Variants in KLHL1 observed in about 807,000 individuals in gnomAD.
The protein encoded by KLHL1 is kelch like family member 1, also known as kelch-like protein 1.
Under a neutral mutation model 77.7 loss-of-function variants are expected in KLHL1, and 47 were observed. The observed-to-expected ratio is 0.60, with a 90% CI of 0.48 to 0.77. The LOEUF (loss-of-function observed/expected upper bound fraction) is 0.77, where lower values mean the gene tolerates loss of function less well. KLHL1 is among the 30% of genes least tolerant of loss of function. The pLI is 0.00. For missense variants in KLHL1, 925 were observed against 910.8 expected, an observed-to-expected ratio of 1.02 and a Z score of -0.20; for synonymous variants, 360 against 325.2, an observed-to-expected ratio of 1.11 and a Z score of -1.15.
chr13:69,784,646 A>T (rs1229672832), intron 7 of KLHL1, among the ~76,000 whole-genome samples: 1 of 151,506 alleles, frequency 6.6e-6, no homozygotes, highest in Non-Finnish European at 1.5e-5. Flanking sequence ...TATCCTAAAT[A>T]TATATGCACC....
At chr13:69,846,939 A>T (rs999587410) in intron 5 of KLHL1, among the ~76,000 whole-genome samples, 2 of 151,498 alleles carry the variant, frequency 1.3e-5, no homozygotes, top group Non-Finnish European at 1.5e-5. Flanking sequence ...TCATTCAAGT[A>T]TCTAGATTTT....
chr13:70,075,574 T>TATATATATATATATATATATAG (rs1407764316), intron 1 of KLHL1, among the ~76,000 whole-genome samples: 7 of 108,440 alleles, frequency 6.5e-5, no homozygotes, highest in African/African-American at 2.4e-4. Flanking sequence ...TATGTGTATA[T>TATATATATATATATATATATAG]ATATATATAT....
intron 1 of KLHL1, among the ~76,000 whole-genome samples, chr13:70,059,471 G>A (rs903623417): frequency 2.0e-5 from 3 of 151,954 alleles, no homozygotes; most frequent in Non-Finnish European, 4.4e-5. Context: ...CGCCTGGCTG[G>A]GCAAATATTT....
intron 4 of KLHL1, among the ~76,000 whole-genome samples, chr13:69,918,676 A>C (rs1259514492): frequency 6.6e-6 from 1 of 152,134 alleles, no homozygotes; most frequent in Non-Finnish European, 1.5e-5. Flanking sequence ...AATATAACAA[A>C]AGGTCAGGTT....
At chr13:69,852,402 T>C (rs929183669) in intron 5 of KLHL1, among the ~76,000 whole-genome samples, 4 of 151,980 alleles carry the variant, frequency 2.6e-5, no homozygotes, top group African/African-American at 9.7e-5. Flanking sequence ...GGACAGCAAT[T>C]GAAGAGACAA....
intron 1 of KLHL1, among the ~76,000 whole-genome samples, chr13:70,083,214 A>C (rs1422450230): frequency 4.6e-5 from 7 of 152,206 alleles, no homozygotes; most frequent in Non-Finnish European, 5.9e-5. Context: ...ATAAATATTA[A>C]TCAAAATTAC....
chr13:69,760,242 A>G (rs558447382), intron 7 of KLHL1, among the ~76,000 whole-genome samples: 1 of 152,264 alleles, frequency 6.6e-6, no homozygotes, highest in Non-Finnish European at 1.5e-5. Context: ...AAAAGAAACC[A>G]GGGATTGAGA....
intron 1 of KLHL1, among the ~76,000 whole-genome samples, chr13:70,021,823 GA>G (rs1469106339): frequency 1.3e-5 from 2 of 151,914 alleles, no homozygotes; most frequent in Admixed American, 1.3e-4. Flanking sequence ...CCATTTTTAA[GA>G]AATTGGTTTT....
At chr13:70,099,044 T>C (rs916132654) in intron 1 of KLHL1, among the ~76,000 whole-genome samples, 3 of 151,954 alleles carry the variant, frequency 2.0e-5, no homozygotes, top group South Asian at 2.1e-4. Context: ...CAGTGTAACA[T>C]GTCAAGAACA....
chr13:69,929,133 A>AG (rs11438060), intron 4 of KLHL1, among the ~76,000 whole-genome samples: 132,597 of 151,892 alleles, frequency 0.87, 58,468 homozygotes, highest in Non-Finnish European at 0.95. Flanking sequence ...TAGAATCATA[A>AG]GCTGCAAAGA....
chr13:69,910,687 G>A (rs1882208680), intron 4 of KLHL1, among the ~76,000 whole-genome samples: 1 of 151,662 alleles, frequency 6.6e-6, no homozygotes, highest in Admixed American at 6.6e-5. Flanking sequence ...CTCAAATACT[G>A]GAAAACCAAA....
At chr13:70,033,417 G>A (rs1338773424) in intron 1 of KLHL1, among the ~76,000 whole-genome samples, 2 of 151,966 alleles carry the variant, frequency 1.3e-5, no homozygotes, top group Non-Finnish European at 2.9e-5. Flanking sequence ...AGCCTCTCCA[G>A]TAGCTGGGCC....
intron 6 of KLHL1, among the ~76,000 whole-genome samples, chr13:69,803,444 T>G (rs1476613574): frequency 6.6e-6 from 1 of 152,048 alleles, no homozygotes; most frequent in Non-Finnish European, 1.5e-5. Context: ...GTAAAAAGAG[T>G]TAATTGCAAT....
chr13:69,789,582 T>TAATC (rs1876762241), intron 7 of KLHL1, among the ~76,000 whole-genome samples: 3 of 152,180 alleles, frequency 2.0e-5, no homozygotes, highest in South Asian at 2.1e-4. Flanking sequence ...TGTGAGAATT[T>TAATC]AATCAGTTAA....
intron 7 of KLHL1, among the ~76,000 whole-genome samples, chr13:69,768,160 A>G (rs9317845): frequency 0.24 from 35,769 of 152,050 alleles, 4,290 homozygotes; most frequent in South Asian, 0.31. Context: ...AAATATCCAT[A>G]GATCAAGCTT....
In KLHL1 at chr13:69,979,763, C is replaced by T. The variant is rs550141195; in HGVS notation, c.498-3961G>A. Among the ~76,000 whole-genome samples, 7 of 152,250 alleles carry T rather than the reference C, an allele frequency of 4.6e-5. No individual in the cohort carries two copies. The South Asian group carries it at 1.4e-3, about 32-fold the overall frequency. On this transcript the variant is annotated intron_variant, in intron 1 of 10. Coordinates refer to ENST00000377844, the MANE Select transcript of KLHL1 (RefSeq NM_020866.3). ...ATGCAATTTTAAAAGTACAATATGA[C>T]TTTTTATCAGATTTAAAGACATGTT...
chr13:69,919,400 T>A (rs1404940408), intron 4 of KLHL1, among the ~76,000 whole-genome samples: 1 of 152,168 alleles, frequency 6.6e-6, no homozygotes, highest in African/African-American at 2.4e-5. Context: ...GATCCTTTTT[T>A]TAGCTGACAT....
intron 3 of KLHL1, 41 bp from the exon 4 acceptor site, chr13:69,940,277 C>A: frequency 1.4e-6 from 2 of 1,473,726 alleles, no homozygotes; most frequent in South Asian, 1.3e-5. Context: ...CTTTTAAAAA[C>A]ATGAAATAAT....
chr13:69,817,604 A>G (rs1199027834), intron 6 of KLHL1, among the ~76,000 whole-genome samples: 1 of 152,212 alleles, frequency 6.6e-6, no homozygotes, highest in African/African-American at 2.4e-5. Flanking sequence ...ATTTTGCCCT[A>G]GGGAGACTAT....
Sources: allele counts gnomAD v4.1 joint callset (sites outside exome capture counted in the v4.1 genomes callset), GRCh38; gene constraint gnomAD v4.1.1; transcripts MANE v1.5; gene names NCBI Gene and HGNC (gene_info 2026-07-23, HGNC 2026-07-21).